Variants in USH2A observed in about 807,000 individuals in gnomAD.
The protein encoded by USH2A is Usher syndrome 2A (autosomal recessive, mild).
A neutral mutation model predicts 538.9 loss-of-function variants in USH2A; 443 were observed. The ratio of observed to expected loss-of-function variants is 0.82; its 90% confidence interval spans 0.76 to 0.89. The LOEUF (loss-of-function observed/expected upper bound fraction) is 0.89, where lower values mean the gene tolerates loss of function less well. USH2A is among the 40% of genes least tolerant of loss of function. The pLI is 0.00. For missense variants in USH2A, 6,633 were observed against 6,324.8 expected, an observed-to-expected ratio of 1.05 and a Z score of -1.65; for synonymous variants, 2,413 against 2,273.5, an observed-to-expected ratio of 1.06 and a Z score of -1.75.
intron 4 of USH2A, among the ~76,000 whole-genome samples, chr1:216,356,905 C>T (rs1355250444): frequency 6.6e-6 from 1 of 152,102 alleles, no homozygotes; most frequent in Non-Finnish European, 1.5e-5. Flanking sequence ...CAAACTATTT[C>T]CAACACCGGT....
chr1:215,709,573 C>T (rs1372872396), intron 61 of USH2A, among the ~76,000 whole-genome samples: 1 of 148,526 alleles, frequency 6.7e-6, no homozygotes, highest in African/African-American at 2.5e-5. Context: ...AAGTAACTCA[C>T]TTAGGTTGTT....
chr1:216,011,544 C>A (rs927508791), intron 32 of USH2A, among the ~76,000 whole-genome samples: 6 of 152,082 alleles, frequency 3.9e-5, no homozygotes, highest in African/African-American at 1.4e-4. Context: ...ATGGTTAGTG[C>A]GGTCAGAATT....
intron 11 of USH2A, among the ~76,000 whole-genome samples, chr1:216,256,321 C>CTTTTTTTTTTTTTTTTTTCTTTTTTTTTT (rs201852377): frequency 1.6e-5 from 2 of 125,538 alleles, no homozygotes; most frequent in Non-Finnish European, 1.7e-5. Context: ...TTCTTTTTTC[C>CTTTTTTTTTTTTTTTTTTCTTTTTTTTTT]TTTTTTTTTT....
chr1:216,399,182 A>G (rs1259440908), intron 3 of USH2A, among the ~76,000 whole-genome samples: 1 of 152,132 alleles, frequency 6.6e-6, no homozygotes, highest in African/African-American at 2.4e-5. Context: ...ACATCCACCC[A>G]ATATTAACAA....
At chr1:216,037,328 C>G (rs775585871) in intron 32 of USH2A, among the ~76,000 whole-genome samples, 1 of 152,102 alleles carries the variant, frequency 6.6e-6, no homozygotes, top group Non-Finnish European at 1.5e-5. Context: ...CTAACATTCT[C>G]AAAACACTGT....
chr1:215,714,827 G>A (rs971936417), intron 61 of USH2A, among the ~76,000 whole-genome samples: 6 of 152,128 alleles, frequency 3.9e-5, no homozygotes, highest in African/African-American at 7.2e-5. Flanking sequence ...TTTAAGTGCC[G>A]AGGTGTTTTT....
At chr1:216,233,871 T>A (rs1233276485) in intron 13 of USH2A, among the ~76,000 whole-genome samples, 2 of 152,110 alleles carry the variant, frequency 1.3e-5, no homozygotes, top group Admixed American at 6.6e-5. Context: ...TGTGTGTTCA[T>A]GTATGTGTAC....
intron 31 of USH2A, among the ~76,000 whole-genome samples, chr1:216,047,066 A>AT (rs537402512): frequency 2.6e-5 from 4 of 152,282 alleles, no homozygotes; most frequent in African/African-American, 7.2e-5. Flanking sequence ...TTTAGTGCAT[A>AT]TTTTTTTAAA....
Position 215,965,382 on chromosome 1 carries a change from GGTGCTTCCCACCTCAC to G in USH2A, c.7039_7054del (p.Val2347LeufsTer8). On this transcript the variant is annotated frameshift_variant, in exon 37 of 72. Transcript: ENST00000307340. LOFTEE classifies it high-confidence loss of function. ...TGTTAAGAGTCCATTAGGGCGAAAA[GGTGCTTCCCACCTCAC>G]GTGGGCTTTCCGGGATCCCTGTGTT... is the stretch of plus-strand genomic sequence containing the variant. The G allele has an allele frequency of 6.2e-7, 1 of 1,613,914 alleles. No individual in the cohort carries two copies. Among genetic ancestry groups the G allele is most frequent in the Non-Finnish European group, 8.5e-7 (1 of 1,179,850 alleles).
At chr1:216,136,855 C>T (rs2033495213) in intron 21 of USH2A, among the ~76,000 whole-genome samples, 1 of 152,084 alleles carries the variant, frequency 6.6e-6, no homozygotes, top group South Asian at 2.1e-4. Flanking sequence ...GCTGGGTGAA[C>T]CATGGAACAG....
chr1:216,350,416 C>A (rs2038259745), intron 4 of USH2A, among the ~76,000 whole-genome samples: 1 of 152,148 alleles, frequency 6.6e-6, no homozygotes, highest in South Asian at 2.1e-4. Context: ...CAAGGCAATT[C>A]CCTTCTACCT....
intron 61 of USH2A, among the ~76,000 whole-genome samples, chr1:215,721,231 T>C (rs927426580): frequency 1.3e-5 from 2 of 152,216 alleles, no homozygotes; most frequent in South Asian, 2.1e-4. Context: ...CCAGCCACCA[T>C]GCTTGGCTAA....
intron 37 of USH2A, among the ~76,000 whole-genome samples, chr1:215,954,278 G>A (rs1204514173): frequency 6.6e-5 from 10 of 151,996 alleles, no homozygotes; most frequent in African/African-American, 9.7e-5. Flanking sequence ...TGTTTATTGT[G>A]GCACTATTCA....
chr1:216,064,096 A>G (rs1326410145), intron 30 of USH2A, among the ~76,000 whole-genome samples: 1 of 152,216 alleles, frequency 6.6e-6, no homozygotes, highest in South Asian at 2.1e-4. Context: ...CCCAGCAATC[A>G]CAGACTGGGC....
At chr1:215,974,032 T>C (rs1012675111) in intron 35 of USH2A, among the ~76,000 whole-genome samples, 6 of 151,270 alleles carry the variant, frequency 4.0e-5, no homozygotes, top group Non-Finnish European at 1.5e-5. Flanking sequence ...GAGGAAGGGC[T>C]GAAGGATGAA....
intron 61 of USH2A, among the ~76,000 whole-genome samples, chr1:215,707,729 T>C (rs568429023): frequency 1.3e-5 from 2 of 152,286 alleles, no homozygotes; most frequent in South Asian, 4.1e-4. Context: ...TGGAAAGGAA[T>C]AAAAGTAGAA....
At chr1:215,782,337 A>G in intron 53 of USH2A, 141 bp from the exon 54 acceptor site, 3 of 890,002 alleles carry the variant, frequency 3.4e-6, no homozygotes, top group East Asian at 2.7e-5. Context: ...TTGCTGTCTC[A>G]AGCAGTTCCT....
At chr1:215,993,881 A>G (rs1668071034) in intron 34 of USH2A, among the ~76,000 whole-genome samples, 1 of 152,214 alleles carries the variant, frequency 6.6e-6, no homozygotes, top group Non-Finnish European at 1.5e-5. Context: ...CACTAATGTC[A>G]GAAATGGTAA....
At chr1:216,200,335 A>G (rs2034957077) in intron 16 of USH2A, among the ~76,000 whole-genome samples, 1 of 152,192 alleles carries the variant, frequency 6.6e-6, no homozygotes, top group Non-Finnish European at 1.5e-5. Flanking sequence ...ATTCATAATA[A>G]AGAATGTTTA....
Sources: gnomAD v4.1 joint callset for allele counts (sites outside exome capture counted in the v4.1 genomes callset) on GRCh38, gnomAD v4.1.1 for gene constraint, MANE v1.5 for transcripts, NCBI Gene and HGNC (gene_info 2026-07-23, HGNC 2026-07-21) for gene names.